PTPRK: variants seen among roughly 807,000 people sequenced by gnomAD.
PTPRK encodes protein tyrosine phosphatase receptor type K, also known as receptor-type tyrosine-protein phosphatase kappa.
Under a neutral mutation model 178.0 loss-of-function variants are expected in PTPRK, and 75 were observed. That is an observed-to-expected ratio of 0.42 (90% CI 0.35 to 0.51). The LOEUF (loss-of-function observed/expected upper bound fraction) is 0.51, where lower values mean the gene tolerates loss of function less well. PTPRK is among the 20% of genes least tolerant of loss of function. PTPRK has a pLI of 0.02. For synonymous variants in PTPRK, 637 were observed against 620.6 expected (o/e 1.03, Z -0.39); for missense variants, 1,441 against 1,797.8 (o/e 0.80, Z 3.59).
intron 12 of PTPRK, among the ~76,000 whole-genome samples, chr6:128,066,730 AT>A (rs1781828657): frequency 6.6e-6 from 1 of 151,230 alleles, no homozygotes; most frequent in African/African-American, 2.5e-5. Flanking sequence ...AAATAAATAA[AT>A]AAATAAAAAT....
chr6:128,474,152 C>A (rs751529996), intron 1 of PTPRK, among the ~76,000 whole-genome samples: 5 of 151,254 alleles, frequency 3.3e-5, no homozygotes, highest in Non-Finnish European at 7.4e-5. Context: ...TCTCCTAATT[C>A]AAAGGGAGAG....
At chr6:128,212,416 A>G (rs1398401355) in intron 6 of PTPRK, among the ~76,000 whole-genome samples, 1 of 152,056 alleles carries the variant, frequency 6.6e-6, no homozygotes, top group Non-Finnish European at 1.5e-5. Flanking sequence ...TTGGGGTAAG[A>G]GAAAGAAAAA....
intron 3 of PTPRK, among the ~76,000 whole-genome samples, chr6:128,266,780 G>T (rs2128295661): frequency 6.6e-6 from 1 of 152,228 alleles, no homozygotes; most frequent in African/African-American, 2.4e-5. Flanking sequence ...CAACTCGGAA[G>T]TTTTTGTGTG....
chr6:128,076,995 G>A (rs1161520219), intron 11 of PTPRK, among the ~76,000 whole-genome samples: 1 of 151,990 alleles, frequency 6.6e-6, no homozygotes, highest in Admixed American at 6.6e-5. Flanking sequence ...TGAATAAAGA[G>A]TTAATGTAAG....
chr6:128,415,839 A>G (rs934612559), intron 1 of PTPRK, among the ~76,000 whole-genome samples: 1 of 152,172 alleles, frequency 6.6e-6, no homozygotes, highest in Admixed American at 6.5e-5. Flanking sequence ...TACTATTCAA[A>G]ATAACTGAAA....
chr6:128,345,691 A>G (rs1391339458), intron 2 of PTPRK, among the ~76,000 whole-genome samples: 1 of 152,192 alleles, frequency 6.6e-6, no homozygotes, highest in Non-Finnish European at 1.5e-5. Flanking sequence ...TTCAGTACAT[A>G]ACTCAGGCTG....
chr6:128,242,488 CAT>C, intron 4 of PTPRK, 31 bp downstream of exon 4: 5 of 1,601,704 alleles, frequency 3.1e-6, no homozygotes, highest in Non-Finnish European at 4.3e-6. Context: ...GTGGAAAGGA[CAT>C]AGAAAAATAC....
chr6:128,452,179 T>C (rs892163670), intron 1 of PTPRK, among the ~76,000 whole-genome samples: 1 of 152,180 alleles, frequency 6.6e-6, no homozygotes, highest in Admixed American at 6.5e-5. Context: ...CCACCTTTCA[T>C]CTCTGCTTAT....
At chr6:128,144,520 A>T (rs1025215648) in intron 7 of PTPRK, among the ~76,000 whole-genome samples, 8 of 152,284 alleles carry the variant, frequency 5.3e-5, no homozygotes, top group African/African-American at 1.7e-4. Flanking sequence ...TCACTTCAGT[A>T]ATCACCTCAG....
At chr6:128,432,772 A>ACACACACACACACC (rs965738083) in intron 1 of PTPRK, among the ~76,000 whole-genome samples, 12 of 150,948 alleles carry the variant, frequency 7.9e-5, no homozygotes, top group African/African-American at 2.9e-4. Flanking sequence ...ACACACACAC[A>ACACACACACACACC]CCCTAACTCA....
At chr6:128,045,930 T>C (rs1777965889) in intron 13 of PTPRK, among the ~76,000 whole-genome samples, 4 of 152,154 alleles carry the variant, frequency 2.6e-5, no homozygotes, top group Admixed American at 1.3e-4. Context: ...TACTCCAGTT[T>C]TTCAAAGGCA....
intron 13 of PTPRK, among the ~76,000 whole-genome samples, chr6:128,063,265 T>G (rs1347787791): frequency 2.0e-5 from 3 of 152,206 alleles, no homozygotes; most frequent in Non-Finnish European, 4.4e-5. Context: ...TGCCACATGG[T>G]AAGACTGTTT....
chr6:128,364,729 A>G (rs1835249443), intron 2 of PTPRK, among the ~76,000 whole-genome samples: 1 of 152,096 alleles, frequency 6.6e-6, no homozygotes, highest in Non-Finnish European at 1.5e-5. Flanking sequence ...TTTCACATAT[A>G]TAAACACAGC....
Position 127,998,896 on chromosome 6 carries a change from G to T in PTPRK, c.2503C>A (p.His835Asn). 1 of 1,510,550 alleles carries T rather than the reference G, an allele frequency of 6.6e-7. No individual in the cohort carries two copies. Among genetic ancestry groups the T allele is most frequent in the South Asian group, 1.3e-5 (1 of 78,056 alleles). The allele number at this position is 1,510,550 out of a possible 1,614,324, so 93.6% of individuals were successfully genotyped here. A position where few individuals can be genotyped will look rare whatever the true frequency, so the allele number is the denominator to read the frequency against. Reference protein sequence around the residue: ...QHNFSPRYENHSATAESSRLL... With the variant: ...QHNFSPRYENNSATAESSRLL... Reference sequence around the variant, plus strand: ...CGACTGGACTCTGCTGTAGCACTGTGGTTCTCATCTGGCATTTTTCAGATT... The same window carrying T: ...CGACTGGACTCTGCTGTAGCACTGTTGTTCTCATCTGGCATTTTTCAGATT... Residue 835 changes from histidine (H) to asparagine (N), a missense_variant, in exon 16 of 30, where the codon CAC becomes AAC. Coordinates refer to ENST00000368226, the MANE Select transcript of PTPRK (RefSeq NM_002844.4).
At chr6:128,332,246 GT>G (rs1830373395) in intron 2 of PTPRK, among the ~76,000 whole-genome samples, 1 of 152,150 alleles carries the variant, frequency 6.6e-6, no homozygotes, top group Non-Finnish European at 1.5e-5. Context: ...GGAAACCTAT[GT>G]CATAAATAGT....
intron 2 of PTPRK, among the ~76,000 whole-genome samples, chr6:128,355,068 G>A (rs1488110307): frequency 1.3e-5 from 2 of 152,166 alleles, no homozygotes; most frequent in African/African-American, 4.8e-5. Flanking sequence ...AAAAAAGCTG[G>A]TTTCCCTTAT....
At chr6:128,060,393 C>A (rs145312054) in intron 13 of PTPRK, among the ~76,000 whole-genome samples, 1 of 152,120 alleles carries the variant, frequency 6.6e-6, no homozygotes, top group African/African-American at 2.4e-5. Flanking sequence ...ATCCTTAAGA[C>A]ACTTGATAGA....
intron 3 of PTPRK, among the ~76,000 whole-genome samples, chr6:128,282,364 G>A (rs997635156): frequency 9.2e-5 from 14 of 152,326 alleles, no homozygotes; most frequent in African/African-American, 3.1e-4. Flanking sequence ...ACACAAGCCA[G>A]AGGAGCTTGC....
intron 6 of PTPRK, among the ~76,000 whole-genome samples, chr6:128,211,587 AT>A (rs1279924000): frequency 6.6e-6 from 1 of 152,092 alleles, no homozygotes; most frequent in East Asian, 1.9e-4. Flanking sequence ...CATTTTATGC[AT>A]TTTTTTGTTT....
Sources: gnomAD v4.1 joint callset for allele counts (sites outside exome capture counted in the v4.1 genomes callset) on GRCh38, gnomAD v4.1.1 for gene constraint, MANE v1.5 for transcripts, NCBI Gene and HGNC (gene_info 2026-07-23, HGNC 2026-07-21) for gene names.